The following TMEM44 variants were observed in gnomAD, a reference collection of about 807,000 sequenced individuals.
TMEM44 encodes the protein transmembrane protein 44.
A neutral mutation model predicts 47.8 loss-of-function variants in TMEM44; 43 were observed. The ratio of observed to expected loss-of-function variants is 0.90; its 90% CI spans 0.70 to 1.16. The LOEUF is 1.16. Among genes scored for constraint, TMEM44 ranks in the 50% most tolerant of loss-of-function variants. The pLI is 0.00. For synonymous variants in TMEM44, 277 were observed against 238.8 expected, an observed-to-expected ratio of 1.16 and a Z score of -1.48; for missense variants, 568 against 555.2, an observed-to-expected ratio of 1.02 and a Z score of -0.23.
chr3:194,589,685 A>G (rs1055757413), intron 9 of TMEM44: 2 of 152,194 alleles, frequency 1.3e-5, no homozygotes, highest in African/African-American at 4.8e-5. Flanking sequence ...AAGTGGGCAC[A>G]GAAGCATTGA....
rs775652166 is a variant in TMEM44 at position 194,588,645 on chromosome 3, G to C, written c.1177-6C>G. The C allele has an allele frequency of 1.2e-6, 2 of 1,613,506 alleles. No individual in the cohort carries two copies. The highest frequency in any genetic ancestry group is 4.5e-5 in the East Asian group (2 of 44,882). On this transcript the variant is annotated splice_region_variant and splice_polypyrimidine_tract_variant and intron_variant, in intron 9 of 9. Coordinates refer to ENST00000347147, the MANE Select transcript of TMEM44 (RefSeq NM_001011655.3). ...TTCACATCTTCAGGGTCCCACTATG[G>C]AGAAAAGATGCAAAGGGTAGCTGGG... is the stretch of plus-strand genomic sequence containing the variant.
chr3:194,609,403 G>C (rs1560175433), intron 8 of TMEM44, among the ~76,000 whole-genome samples: 1 of 152,192 alleles, frequency 6.6e-6, no homozygotes, highest in Admixed American at 6.5e-5. Context: ...AGCCAGCAGA[G>C]GCCGAGGGGA....
At position 194,623,245 on chromosome 3, in the gene TMEM44, C is replaced by G. The variant is rs749205690; in HGVS notation, c.591G>C (p.Arg197=). 2.9e-5 allele frequency: 46 copies of G among 1,610,766 alleles called. No homozygotes were observed. The highest frequency in any genetic ancestry group is 3.4e-5 in the Non-Finnish European group (40 of 1,178,770). ...SVAAFGSWAS[R]IPPLSRICRG... ...TCACAATTCTGGAGAGAGGGGGGAT[C>G]CGAGAAGCCCAGGAGCCAAAGGCAG... is the stretch of plus-strand genomic sequence containing the variant. Residue 197 remains arginine, a synonymous_variant, in exon 5 of 10, where the codon CGG becomes CGC. Coordinates refer to ENST00000347147, the MANE Select transcript of TMEM44 (RefSeq NM_001011655.3).
At position 194,611,043 on chromosome 3, in the gene TMEM44, C is replaced by T. The variant is rs1234349859; in HGVS notation, c.913-23G>A. 1.3e-6 allele frequency: 2 copies of T among 1,596,746 alleles called. No homozygotes were observed. The highest frequency in any genetic ancestry group is 1.7e-6 in the Non-Finnish European group (2 of 1,165,070). ...ATTCTTGCAAGTAGAGGCAGGGAGA[C>T]AGAAAGGGGAATTCTCAAAGTCAGG... is the stretch of plus-strand genomic sequence containing the variant. On this transcript the variant is annotated intron_variant, in intron 7 of 9. Transcript: ENST00000347147. This position sits in a 1 kb window ranked among gnomAD's most constrained non-coding sequence, Gnocchi z 4.2.
chr3:194,615,613 G>C lies in TMEM44; in HGVS notation c.868C>G (p.Gln290Glu). ...TTCTCTGCACAGGTCAAAAGGGCTT[G>C]GGTGTCAGGGCTCTCTCTGGCTTCC... is the stretch of plus-strand genomic sequence containing the variant. ...AKEARESPDT[Q>E]ALLTCAEKEE... Residue 290 changes from glutamine to glutamate, a missense_variant, in exon 7 of 10, where the codon CAA becomes GAA. By Grantham distance (29) the Gln-to-Glu change is conservative. Coordinates refer to ENST00000347147, the MANE Select transcript of TMEM44 (RefSeq NM_001011655.3). 1 of 1,614,186 alleles carries C rather than the reference G, an allele frequency of 6.2e-7. No individual in the cohort carries two copies. Among genetic ancestry groups the C allele is most frequent in the Non-Finnish European group, 8.5e-7 (1 of 1,180,020 alleles).
Position 194,623,246 on chromosome 3 carries a change from C to T in TMEM44, c.590G>A (p.Arg197Gln), listed in dbSNP as rs377623176. ...SVAAFGSWASRIPPLSRICRG... is the reference protein window; with the variant it reads ...SVAAFGSWASQIPPLSRICRG... ...CACAATTCTGGAGAGAGGGGGGATC[C>T]GAGAAGCCCAGGAGCCAAAGGCAGC... Residue 197 changes from arginine (R) to glutamine (Q), a missense_variant, in exon 5 of 10, where the codon CGG (arginine) becomes CAG (glutamine). By Grantham distance (43) the Arg-to-Gln change is conservative. Coordinates refer to ENST00000347147, the MANE Select transcript of TMEM44 (RefSeq NM_001011655.3). 1.4e-5 allele frequency: 23 copies of T among 1,610,780 alleles called. No individual in the cohort carries two copies. Among genetic ancestry groups the T allele is most frequent in the Middle Eastern group, 1.6e-4 (1 of 6,082 alleles).
chr3:194,592,828 G>A (rs555020455), intron 9 of TMEM44, among the ~76,000 whole-genome samples: 1 of 152,240 alleles, frequency 6.6e-6, no homozygotes, highest in East Asian at 1.9e-4. Flanking sequence ...TGGCCAGGCT[G>A]GTCTTGAACT....
chr3:194,623,765 G>C lies in TMEM44; in HGVS notation c.359-70C>G, dbSNP rs957942249. The C allele has an allele frequency of 5.0e-6, 8 of 1,590,980 alleles. No individual in the cohort carries two copies. The East Asian group carries it at 6.7e-5, about 13-fold the overall frequency. ...CTTGTCAGATCAGATAGCTGCGTGG[G>C]AAGAACTGGTGTCAGCTCCCCACAT... On this transcript the variant is annotated intron_variant, in intron 3 of 9. Transcript: ENST00000347147.
At chr3:194,594,853 C>T (rs1179848230) in intron 9 of TMEM44, among the ~76,000 whole-genome samples, 1 of 152,122 alleles carries the variant, frequency 6.6e-6, no homozygotes. Context: ...AAATCTTCAG[C>T]GTTATGGGCA....
intron 9 of TMEM44, among the ~76,000 whole-genome samples, chr3:194,602,827 G>A (rs1182522527): frequency 1.3e-5 from 2 of 152,154 alleles, no homozygotes; most frequent in Admixed American, 1.3e-4. Flanking sequence ...GTGGTTCTGA[G>A]TTTCAGATTT....
rs368667054 is a variant in TMEM44 at position 194,625,902 on chromosome 3, T to A, written c.353A>T (p.Asn118Ile). 31 of 1,612,486 alleles carry A rather than the reference T, an allele frequency of 1.9e-5. No homozygotes were observed. In the African/African-American group the frequency reaches 3.9e-4, roughly 20 times the overall value. The change falls in exon 3 of 10, where the codon AAT becomes ATT. Residue 118 changes from asparagine to isoleucine, a missense_variant. Physicochemically the swap from Asn to Ile is moderately radical, Grantham distance 149. Coordinates refer to ENST00000347147, the MANE Select transcript of TMEM44 (RefSeq NM_001011655.3). Reference sequence around the variant, plus strand: ...AAAGACAGCCACACACTCACCTGAATTAGACTTGAATTTGGATCCACAGAC... The same window carrying A: ...AAAGACAGCCACACACTCACCTGAAATAGACTTGAATTTGGATCCACAGAC... ...FPVCGSKFKS[N>I]SDREARERKR...
chr3:194,601,391 G>A (rs985817535), intron 9 of TMEM44, among the ~76,000 whole-genome samples: 3 of 150,336 alleles, frequency 2.0e-5, no homozygotes, highest in African/African-American at 7.4e-5. Flanking sequence ...CGAAACCTCC[G>A]CCTCCTGGGT....
intron 9 of TMEM44, among the ~76,000 whole-genome samples, chr3:194,595,272 T>C (rs1187581117): frequency 6.6e-6 from 1 of 152,196 alleles, no homozygotes; most frequent in East Asian, 1.9e-4. Context: ...CTCAAACCAC[T>C]GCATACGGCA....
intron 8 of TMEM44, among the ~76,000 whole-genome samples, chr3:194,608,099 G>A (rs1714954559): frequency 6.6e-6 from 1 of 152,154 alleles, no homozygotes; most frequent in African/African-American, 2.4e-5. Context: ...CAAAGCTTTG[G>A]CCAGATGCTG....
intron 8 of TMEM44, among the ~76,000 whole-genome samples, chr3:194,610,569 G>T (rs1715209272): frequency 6.6e-6 from 1 of 151,768 alleles, no homozygotes; most frequent in South Asian, 2.1e-4. Context: ...CCCTCACCTT[G>T]CCTCCCACCC....
intron 6 of TMEM44, 36 bp from the exon 7 acceptor site, chr3:194,615,733 T>C: frequency 6.2e-7 from 1 of 1,609,782 alleles, no homozygotes; most frequent in South Asian, 1.1e-5. Flanking sequence ...AAGCAGAATA[T>C]TCCAGCTGCC....
At chr3:194,623,740 C>T (rs754041884) in intron 3 of TMEM44, 45 bp from the exon 4 acceptor site, 3 of 1,610,074 alleles carry the variant, frequency 1.9e-6, no homozygotes, top group Non-Finnish European at 2.5e-6. Context: ...GAAGCCAGAC[C>T]TTGTCAGATC....
At chr3:194,623,100 G>C (rs919634767) in intron 5 of TMEM44, 124 bp downstream of exon 5, 26 of 904,910 alleles carry the variant, frequency 2.9e-5, no homozygotes, top group Non-Finnish European at 3.6e-5. Flanking sequence ...TTCAGGAAAA[G>C]CTGAGCCCAT....
chr3:194,619,258 C>A (rs187910197), intron 5 of TMEM44, among the ~76,000 whole-genome samples: 17 of 152,296 alleles, frequency 1.1e-4, no homozygotes, highest in African/African-American at 3.1e-4. Flanking sequence ...CTGGGGCCGA[C>A]CCTGAAAAAA....
Sources: gnomAD v4.1 joint callset for allele counts (sites outside exome capture counted in the v4.1 genomes callset) on GRCh38, gnomAD v4.1.1 for gene constraint, Gnocchi (gnomAD v3.1) non-coding constraint, MANE v1.5 for transcripts, NCBI Gene and HGNC (gene_info 2026-07-23, HGNC 2026-07-21) for gene names.